DACH2: variants seen among roughly 807,000 people sequenced by gnomAD.
The protein encoded by DACH2 is dachshund family transcription factor 2, also known as dachshund homolog 2.
Under a neutral mutation model 35.8 loss-of-function variants are expected in DACH2, and 17 were observed. That is an observed-to-expected ratio of 0.48 (90% CI 0.33 to 0.71). The LOEUF is 0.71. DACH2 is among the 30% of genes least tolerant of loss of function. The pLI, the probability that DACH2 is intolerant of heterozygous loss-of-function variation, is 0.02. For missense variants in DACH2, 469 were observed against 472.7 expected (o/e 0.99, Z 0.07); for synonymous variants, 195 against 177.3 (o/e 1.10, Z -0.79).
chrX:86,308,273 T>G (rs1295368261), intron 1 of DACH2, among the ~76,000 whole-genome samples: 1 of 112,822 alleles, frequency 8.9e-6, no homozygotes, highest in African/African-American at 3.2e-5. Context: ...CCACAATTAC[T>G]CAGCTACAAA....
chrX:86,346,202 AC>A (rs1166261641), intron 1 of DACH2, among the ~76,000 whole-genome samples: 11 of 110,923 alleles, frequency 9.9e-5, no homozygotes, highest in Non-Finnish European at 1.3e-4. Flanking sequence ...AATTTGCCCA[AC>A]CCCTAGTCAG....
intron 2 of DACH2, among the ~76,000 whole-genome samples, chrX:86,420,072 C>T (rs779108626): frequency 8.9e-6 from 1 of 111,774 alleles, no homozygotes; most frequent in Non-Finnish European, 1.9e-5. Flanking sequence ...AGCATTCTCA[C>T]CTGCAGTGAA....
chrX:86,713,809 T>G (rs1246883815), intron 5 of DACH2, among the ~76,000 whole-genome samples: 1 of 111,752 alleles, frequency 8.9e-6, no homozygotes, highest in African/African-American at 3.2e-5. Flanking sequence ...CTGCCAGAAG[T>G]TGAATGTGGA....
chrX:86,669,353 G>A (rs749571200), intron 4 of DACH2, among the ~76,000 whole-genome samples: 4 of 110,806 alleles, frequency 3.6e-5, no homozygotes, highest in South Asian at 3.9e-4. Flanking sequence ...TGTTGCATTC[G>A]TTTGCTTTCC....
At chrX:86,441,757 C>T (rs1692001740) in intron 2 of DACH2, among the ~76,000 whole-genome samples, 1 of 108,608 alleles carries the variant, frequency 9.2e-6, no homozygotes, top group Admixed American at 1.0e-4. Context: ...ATTTTCATTT[C>T]CACAAAAAGT....
At chrX:86,206,964 T>C (rs2032328537) in intron 1 of DACH2, among the ~76,000 whole-genome samples, 1 of 111,989 alleles carries the variant, frequency 8.9e-6, no homozygotes, top group Admixed American at 9.5e-5. Context: ...TTTAAATTGA[T>C]AATGTCATTT....
chrX:86,604,049 C>T (rs975962212), intron 3 of DACH2, among the ~76,000 whole-genome samples: 1 of 110,699 alleles, frequency 9.0e-6, no homozygotes, highest in African/African-American at 3.3e-5. Flanking sequence ...TCTTTAGTGG[C>T]TCAGAATTTG....
intron 7 of DACH2, among the ~76,000 whole-genome samples, chrX:86,797,351 A>T (rs1019087064): frequency 2.7e-5 from 3 of 110,918 alleles, no homozygotes; most frequent in Non-Finnish European, 5.7e-5. Context: ...TACTAAAAGC[A>T]TCACACTCTT....
intron 1 of DACH2, among the ~76,000 whole-genome samples, chrX:86,313,524 G>A (rs920065381): frequency 2.7e-5 from 3 of 111,883 alleles, no homozygotes; most frequent in African/African-American, 6.5e-5. Flanking sequence ...TTGAATGCAG[G>A]TCCTACTATT....
chrX:86,295,114 A>G (rs1456295025), intron 1 of DACH2, among the ~76,000 whole-genome samples: 1 of 111,714 alleles, frequency 9.0e-6, no homozygotes, highest in Non-Finnish European at 1.9e-5. Flanking sequence ...TGTGGGATAT[A>G]ATCTGATGCC....
intron 1 of DACH2, among the ~76,000 whole-genome samples, chrX:86,354,975 G>T (rs1430231512): frequency 8.9e-6 from 1 of 111,791 alleles, no homozygotes; most frequent in African/African-American, 3.3e-5. Flanking sequence ...TGTGTAAATT[G>T]TGTGTTTTGG....
chrX:86,217,911 C>T (rs892285067), intron 1 of DACH2, among the ~76,000 whole-genome samples: 5 of 111,546 alleles, frequency 4.5e-5, no homozygotes, highest in African/African-American at 1.3e-4. Flanking sequence ...TTTGAGGTTA[C>T]GTATCTACAG....
rs776415360 is a variant in DACH2, at chrX:86,190,970, A to AT, written c.488+41863dup. 7.7e-4 allele frequency among the ~76,000 whole-genome samples: 86 copies of AT among 111,880 alleles called. No homozygotes were observed. The South Asian group carries it at 0.014, about 18-fold the overall frequency. Reference sequence around the variant, plus strand: ...AAAAATAAATAAATAAATAAATAAAATAAAAAGCAGATGCTAGCAAGGTTG... The same window carrying AT: ...AAAAATAAATAAATAAATAAATAAAATTAAAAAGCAGATGCTAGCAAGGTTG... On this transcript the variant is annotated intron_variant, in intron 1 of 11. Transcript: ENST00000373125.
chrX:86,704,061 A>G (rs1346823303), intron 5 of DACH2, among the ~76,000 whole-genome samples: 2 of 112,467 alleles, frequency 1.8e-5, no homozygotes, highest in African/African-American at 6.4e-5. Context: ...TAATTATGCT[A>G]CAAGGATATA....
At chrX:86,787,690 C>A (rs1162687102) in intron 7 of DACH2, among the ~76,000 whole-genome samples, 1 of 109,925 alleles carries the variant, frequency 9.1e-6, no homozygotes. Context: ...TGTAGATGCA[C>A]TGGCCAGAAT....
At chrX:86,533,712 G>C (rs886085865) in intron 3 of DACH2, among the ~76,000 whole-genome samples, 2 of 111,738 alleles carry the variant, frequency 1.8e-5, no homozygotes, top group Non-Finnish European at 3.8e-5. Flanking sequence ...CAATTTATTA[G>C]GAGTACCAAG....
At chrX:86,407,732 G>T (rs1443181588) in intron 2 of DACH2, among the ~76,000 whole-genome samples, 1 of 111,856 alleles carries the variant, frequency 8.9e-6, no homozygotes, top group Non-Finnish European at 1.9e-5. Flanking sequence ...GGTTACATGT[G>T]AGAAGGATAG....
At chrX:86,596,888 G>GT (rs1213601131) in intron 3 of DACH2, among the ~76,000 whole-genome samples, 9 of 109,341 alleles carry the variant, frequency 8.2e-5, no homozygotes, top group Admixed American at 3.0e-4. Flanking sequence ...TGAAGCAACT[G>GT]TTTTTTTTTC....
Position 86,344,494 on chromosome X carries a change from A to G in DACH2, c.489-32330A>G, listed in dbSNP as rs183582646. On this transcript the variant is annotated intron_variant, in intron 1 of 11. Coordinates refer to ENST00000373125, the MANE Select transcript of DACH2 (RefSeq NM_053281.3). ...TGTTGTTTCTCTTAGCCAATATATC[A>G]ACAAGAACTATCAACACTTATTCTG... Among the ~76,000 whole-genome samples the G allele has an allele frequency of 3.6e-3, 392 of 110,412 alleles. 1 individual carries two copies. The highest frequency in any genetic ancestry group is 6.0e-3 in the Non-Finnish European group (319 of 52,747).
Sources: gnomAD v4.1 joint callset for allele counts (sites outside exome capture counted in the v4.1 genomes callset) on GRCh38, gnomAD v4.1.1 for gene constraint, MANE v1.5 for transcripts, NCBI Gene and HGNC (gene_info 2026-07-23, HGNC 2026-07-21) for gene names.